The following ADCY2 variants were observed in gnomAD, a reference collection of about 807,000 sequenced individuals.
ADCY2 encodes adenylate cyclase 2.
A neutral mutation model predicts 125.2 loss-of-function variants in ADCY2; 31 were observed. The ratio of observed to expected loss-of-function variants is 0.25; its 90% CI spans 0.19 to 0.33. The LOEUF (loss-of-function observed/expected upper bound fraction) is 0.33, where lower values mean the gene tolerates loss of function less well. Ranked by LOEUF, ADCY2 falls within the 10% of genes least tolerant of loss-of-function variation. The probability of loss-of-function intolerance (pLI) is 1.00; values close to 1 mark genes in which losing one functional copy is unlikely to be tolerated. For missense variants in ADCY2, 904 were observed against 1,418.2 expected (o/e 0.64, Z 5.82); for synonymous variants, 512 against 548.4 (o/e 0.93, Z 0.93).
intron 2 of ADCY2, among the ~76,000 whole-genome samples, chr5:7,513,401 CAT>C (rs1362371967): frequency 6.6e-6 from 1 of 152,102 alleles, no homozygotes; most frequent in African/African-American, 2.4e-5. Context: ...TAGGTGAAAA[CAT>C]GTTTATTGTT....
intron 2 of ADCY2, among the ~76,000 whole-genome samples, chr5:7,462,419 G>T (rs1290656930): frequency 6.6e-6 from 1 of 152,152 alleles, no homozygotes; most frequent in Non-Finnish European, 1.5e-5. Context: ...TTGATTAAAT[G>T]GCATTCCCAA....
At chr5:7,779,411 T>C (rs1263357221) in intron 18 of ADCY2, among the ~76,000 whole-genome samples, 1 of 152,198 alleles carries the variant, frequency 6.6e-6, no homozygotes, top group Admixed American at 6.5e-5. Flanking sequence ...CATCAGTTCT[T>C]CCATGTGATG....
chr5:7,457,832 G>C (rs949250978), intron 2 of ADCY2, among the ~76,000 whole-genome samples: 2 of 152,168 alleles, frequency 1.3e-5, no homozygotes, highest in Non-Finnish European at 2.9e-5. Flanking sequence ...CAGTGTGTTC[G>C]TAGTTACCAC....
At chr5:7,463,565 T>C (rs1377600880) in intron 2 of ADCY2, among the ~76,000 whole-genome samples, 5 of 151,054 alleles carry the variant, frequency 3.3e-5, no homozygotes, top group Admixed American at 6.6e-5. Flanking sequence ...GCTGTACTGT[T>C]GTTTCTCATT....
At chr5:7,398,385 T>A (rs1739139899) in intron 1 of ADCY2, among the ~76,000 whole-genome samples, 1 of 152,222 alleles carries the variant, frequency 6.6e-6, no homozygotes, top group Non-Finnish European at 1.5e-5. Flanking sequence ...TTCTTTGTAT[T>A]TGTGTGTCTA....
chr5:7,792,091 G>A (rs1744265418), intron 20 of ADCY2, among the ~76,000 whole-genome samples: 1 of 152,032 alleles, frequency 6.6e-6, no homozygotes. Context: ...AGGGAGCTGA[G>A]GCCGGGCGCG....
At chr5:7,442,809 A>G (rs1741063356) in intron 2 of ADCY2, among the ~76,000 whole-genome samples, 1 of 152,226 alleles carries the variant, frequency 6.6e-6, no homozygotes, top group Non-Finnish European at 1.5e-5. Flanking sequence ...TTTTCAGAGT[A>G]AGGAATCTGT....
chr5:7,718,853 C>A (rs1741676369), intron 12 of ADCY2, among the ~76,000 whole-genome samples: 1 of 151,976 alleles, frequency 6.6e-6, no homozygotes, highest in African/African-American at 2.4e-5. Context: ...TAGGGAGGCA[C>A]CTGATTTCAT....
chr5:7,558,838 G>T (rs1180395162), intron 3 of ADCY2, among the ~76,000 whole-genome samples: 5 of 152,060 alleles, frequency 3.3e-5, no homozygotes, highest in Non-Finnish European at 7.4e-5. Flanking sequence ...AGTCTTTAAT[G>T]CATCTTGAGT....
At chr5:7,748,539 C>CACACAG (rs1553984366) in intron 15 of ADCY2, among the ~76,000 whole-genome samples, 4 of 148,794 alleles carry the variant, frequency 2.7e-5, no homozygotes, top group Non-Finnish European at 4.5e-5. Flanking sequence ...CACACACACA[C>CACACAG]ACACACACAC....
At chr5:7,539,707 A>G (rs1377852494) in intron 3 of ADCY2, among the ~76,000 whole-genome samples, 2 of 152,200 alleles carry the variant, frequency 1.3e-5, no homozygotes, top group African/African-American at 2.4e-5. Context: ...ACATTTTCAG[A>G]CTGTGGGCCA....
intron 24 of ADCY2, among the ~76,000 whole-genome samples, chr5:7,821,580 A>G (rs541038363): frequency 6.6e-6 from 1 of 152,314 alleles, no homozygotes; most frequent in Admixed American, 6.5e-5. Context: ...AGCATGAGCA[A>G]GTCAAACTCA....
At chr5:7,766,653 C>T (rs1210945878) in intron 16 of ADCY2, 34 bp from the exon 17 acceptor site, 6 of 1,609,110 alleles carry the variant, frequency 3.7e-6, no homozygotes, top group Admixed American at 1.7e-5. Context: ...ATCTAATTTA[C>T]ATTAATTCAT....
At chr5:7,714,122 A>G (rs1461215231) in intron 11 of ADCY2, among the ~76,000 whole-genome samples, 2 of 152,202 alleles carry the variant, frequency 1.3e-5, no homozygotes, top group African/African-American at 4.8e-5. Context: ...CATTATAATT[A>G]AGTGGCATAT....
intron 24 of ADCY2, among the ~76,000 whole-genome samples, chr5:7,825,615 C>T (rs1745451302): frequency 6.6e-6 from 1 of 152,238 alleles, no homozygotes; most frequent in African/African-American, 2.4e-5. Flanking sequence ...GGCTTTCTGT[C>T]TGCCCAAACT....
chr5:7,415,749 C>T (rs1023421769), intron 2 of ADCY2, among the ~76,000 whole-genome samples: 4 of 152,098 alleles, frequency 2.6e-5, no homozygotes, highest in Non-Finnish European at 4.4e-5. Context: ...TGGCTTTTTT[C>T]TGTAGTGCTG....
intron 3 of ADCY2, among the ~76,000 whole-genome samples, chr5:7,575,391 G>T (rs948558420): frequency 5.3e-5 from 8 of 152,032 alleles, no homozygotes; most frequent in Admixed American, 1.3e-4. Flanking sequence ...ATGTAAGAAA[G>T]ATGTTCAAGA....
rs1402575411 is a variant in ADCY2 at position 7,712,740 on chromosome 5, TGTTA to T, written c.1579-111_1579-108del. ...TTCTCCACATGAGTAATTAATTATT[TGTTA>T]GTTAAATGTTACTGTCCATGATAAA... On this transcript the variant is annotated intron_variant, in intron 10 of 24. Transcript: ENST00000338316. The T allele has an allele frequency of 1.0e-4, 74 of 707,586 alleles. No homozygotes were observed. In the African/African-American group the frequency reaches 1.2e-3, roughly 11 times the overall value. 43.8% of individuals were successfully genotyped at this position (707,586 alleles called of 1,614,324 possible).
intron 2 of ADCY2, among the ~76,000 whole-genome samples, chr5:7,439,954 G>T (rs1228705919): frequency 6.6e-6 from 1 of 152,058 alleles, no homozygotes; most frequent in African/African-American, 2.4e-5. Flanking sequence ...GAGAAAGGTT[G>T]TTTTAAAAGT....
Sources: gnomAD v4.1 joint callset for allele counts (sites outside exome capture counted in the v4.1 genomes callset) on GRCh38, gnomAD v4.1.1 for gene constraint, MANE v1.5 for transcripts, NCBI Gene and HGNC (gene_info 2026-07-23, HGNC 2026-07-21) for gene names.